Variants in LDB1 observed in about 807,000 individuals in gnomAD.
LDB1 encodes the protein LIM domain-binding protein 1.
In LDB1, 6 loss-of-function variants were observed where a neutral mutation model predicts 49.7. The observed-to-expected ratio is 0.12, with a 90% confidence interval of 0.07 to 0.24. The LOEUF (loss-of-function observed/expected upper bound fraction) is 0.24. Ranked by LOEUF, LDB1 falls within the 10% of genes least tolerant of loss-of-function variation. The pLI is 1.00. For missense variants in LDB1, 341 were observed against 561.7 expected (o/e 0.61, Z 3.97); for synonymous variants, 233 against 202.0 (o/e 1.15, Z -1.30).
At chr10:102,108,753 G>T (rs2068207148) in intron 10 of LDB1, among the ~76,000 whole-genome samples, 1 of 152,178 alleles carries the variant, frequency 6.6e-6, no homozygotes, top group Non-Finnish European at 1.5e-5. Flanking sequence ...TGGATGGTCT[G>T]TGAGCCCCAA....
In LDB1 at chr10:102,106,718, G is replaced by T. The variant is rs1202978636; in HGVS notation, c.*1375C>A. Among the ~76,000 whole-genome samples the T allele has an allele frequency of 1.3e-5, 2 of 152,014 alleles. No individual in the cohort carries two copies. The highest frequency in any genetic ancestry group is 4.8e-5 in the African/African-American group (2 of 41,368). On this transcript the variant is annotated 3_prime_UTR_variant, in exon 11 of 11. Coordinates refer to ENST00000673968, the MANE Select transcript of LDB1 (RefSeq NM_001113407.3). ...GACCCCAGAATCCAGAGGGAAGAGT[G>T]GGGAGAGAGGTGGTGTTAGCACTTC...
At chr10:102,104,390 A>G (rs1402688443), downstream of LDB1, among the ~76,000 whole-genome samples, 2 of 152,230 alleles carry the variant, frequency 1.3e-5, no homozygotes, top group African/African-American at 4.8e-5. Context: ...CCTTACCTGC[A>G]CATATAAACA....
chr10:102,106,405 CAT>C (rs2068160085), downstream of LDB1, among the ~76,000 whole-genome samples: 2 of 151,538 alleles, frequency 1.3e-5, no homozygotes, highest in African/African-American at 4.9e-5. Flanking sequence ...GGATCCAATT[CAT>C]AGTCTTAGGA....
intron 10 of LDB1, 110 bp downstream of exon 10, chr10:102,108,919 T>G: frequency 1.3e-5 from 18 of 1,413,566 alleles, no homozygotes; most frequent in Middle Eastern, 1.8e-4. Context: ...GCAGAGTACA[T>G]GAGAAAAACT....
rs950240749 is a variant in LDB1, at chr10:102,106,526, A to G, written c.*1567T>C. Among the ~76,000 whole-genome samples the G allele has an allele frequency of 7.4e-6, 1 of 134,258 alleles. No homozygotes were observed. Among genetic ancestry groups the G allele is most frequent in the Non-Finnish European group, 1.6e-5 (1 of 64,010 alleles). 88.1% of individuals were successfully genotyped at this position (134,258 alleles called of 152,430 possible). A position where few individuals can be genotyped will look rare whatever the true frequency, so the allele number is the denominator to read the frequency against. On this transcript the variant is annotated 3_prime_UTR_variant, in exon 11 of 11. Transcript: ENST00000673968. The stretch of plus-strand genomic sequence containing the variant: ...GTCTCTTTATTGATTGGTACCATAC[A>G]TGACTCAAATGGCCCAAAAAAAAAA...
downstream of LDB1, among the ~76,000 whole-genome samples, chr10:102,106,386 T>C (rs1175744107): frequency 6.7e-6 from 1 of 149,736 alleles, no homozygotes; most frequent in Non-Finnish European, 1.5e-5. Context: ...AAATGTGAGG[T>C]GAGTGAAGGG....
downstream of LDB1, among the ~76,000 whole-genome samples, chr10:102,106,323 G>T (rs1481823755): frequency 1.3e-5 from 2 of 151,840 alleles, no homozygotes; most frequent in Non-Finnish European, 2.9e-5. Flanking sequence ...AAACTTTAGG[G>T]TCTTGGGTGA....
chr10:102,112,054 C>T (rs1342432375), intron 1 of LDB1, among the ~76,000 whole-genome samples: 3 of 152,210 alleles, frequency 2.0e-5, no homozygotes, highest in African/African-American at 7.2e-5. Context: ...AAGAGTAGTC[C>T]ACCCTAATCC....
downstream of LDB1, among the ~76,000 whole-genome samples, chr10:102,105,573 G>A (rs1207415269): frequency 6.6e-6 from 1 of 151,874 alleles, no homozygotes; most frequent in South Asian, 2.1e-4. Flanking sequence ...AATCTACAGC[G>A]GGGTCTCCAT....
chr10:102,118,841 G>A (rs1469449829), intron 1 of LDB1, among the ~76,000 whole-genome samples: 1 of 152,196 alleles, frequency 6.6e-6, no homozygotes, highest in East Asian at 1.9e-4. Context: ...CAGGATTCCA[G>A]CTTGGCAAGC....
Position 102,108,135 on chromosome 10 carries a change from T to C in LDB1, c.1194A>G (p.Gln398=). The C allele has an allele frequency of 6.2e-7, 1 of 1,614,154 alleles. No individual in the cohort carries two copies. Among genetic ancestry groups the C allele is most frequent in the Non-Finnish European group, 8.5e-7 (1 of 1,180,012 alleles). ...SPWNSKPPSS[Q]ESKSENPTSQ... ...ACGTGGGGTTCTCCGATTTGCTTTC[T>C]TGGCTGGACGGAGGCTTGCTGTTCC... The change falls in exon 11 of 11, where the codon CAA becomes CAG. Residue 398 remains glutamine (Q), a synonymous_variant. Transcript: ENST00000673968.
At position 102,109,115 on chromosome 10, in the gene LDB1, T is replaced by C. The variant is rs370177977; in HGVS notation, c.919A>G (p.Met307Val). The C allele has an allele frequency of 1.2e-5, 19 of 1,614,058 alleles. No homozygotes were observed. The highest frequency in any genetic ancestry group is 1.6e-4 in the Middle Eastern group (1 of 6,084). The change falls in exon 10 of 11, where the codon ATG (methionine) becomes GTG (valine). Residue 307 changes from methionine (M) to valine (V), a missense_variant. Physicochemically the swap from Met to Val is conservative, Grantham distance 21 (BLOSUM62 1). This residue lies in a region of LDB1 where 233 missense variants were observed against 385.7 expected (regional missense o/e 0.60). Coordinates refer to ENST00000673968, the MANE Select transcript of LDB1 (RefSeq NM_001113407.3). The surrounding 1 kb of genome is among the most constrained non-coding windows in gnomAD (Gnocchi z 5.8). ...TTGGTGTTGCCACCACCAGAGCTCA[T>C]GGTGCTGCCCCCTGACATCTTCCGT... is the stretch of plus-strand genomic sequence containing the variant. ...RKRKMSGGST[M>V]SSGGGNTNNS... is the part of the protein sequence containing the mutation.
In LDB1 at chr10:102,111,470, G is replaced by T. The variant is rs776230908; in HGVS notation, c.92C>A (p.Pro31His). 6.4e-6 allele frequency: 10 copies of T among 1,567,150 alleles called. No homozygotes were observed. Among genetic ancestry groups the T allele is most frequent in the South Asian group, 2.4e-5 (2 of 84,230 alleles). ...KEPPNGNAFPPFHPGTMLDRD... is the reference protein window; with the variant it reads ...KEPPNGNAFPHFHPGTMLDRD... ...ATCCAGCATGGTGCCGGGATGGAAGGGGGGAAAGGCGTTGCCGTTCGGGGG... is the reference window on the plus strand; with the variant it reads ...ATCCAGCATGGTGCCGGGATGGAAGTGGGGAAAGGCGTTGCCGTTCGGGGG... The change falls in exon 2 of 11, where the codon CCC becomes CAC. Residue 31 changes from proline to histidine, a missense_variant. Around this residue, in one of 5 missense-constraint regions of LDB1, gnomAD observed 48 missense variants for 43.9 expected, o/e 1.09. Coordinates refer to ENST00000673968, the MANE Select transcript of LDB1 (RefSeq NM_001113407.3).
chr10:102,114,407 T>G (rs900779114), intron 1 of LDB1: 2 of 986,126 alleles, frequency 2.0e-6, no homozygotes, highest in Middle Eastern at 5.2e-4. Flanking sequence ...CAGACTTACC[T>G]GGGAGAACTG....
At chr10:102,113,516 T>A (rs574942236) in intron 1 of LDB1, among the ~76,000 whole-genome samples, 46 of 151,848 alleles carry the variant, frequency 3.0e-4, no homozygotes, top group African/African-American at 1.1e-3. Flanking sequence ...GTCTCCCCAA[T>A]CCACAGACAG....
rs1238495614 is a variant in LDB1 at position 102,109,170 on chromosome 10, G to C, written c.864C>G (p.Pro288=). ...WQRMVAPPAE[P]TRQQPSKRRK... ...GCCGTTTGCTGGGCTGCTGACGTGT[G>C]GGCTCCGCTGTGCCGGTAAACGGAG... Residue 288 remains proline, a synonymous_variant, in exon 10 of 11, where the codon CCC becomes CCG. Transcript: ENST00000673968. The surrounding 1 kb of genome is among the most constrained non-coding windows in gnomAD (Gnocchi z 5.8). 1.9e-6 allele frequency: 3 copies of C among 1,613,598 alleles called. No homozygotes were observed. Among genetic ancestry groups the C allele is most frequent in the Non-Finnish European group, 2.5e-6 (3 of 1,179,908 alleles).
intron 1 of LDB1, 32 bp from the exon 2 acceptor site, chr10:102,111,568 C>T (rs764458628): frequency 7.5e-7 from 1 of 1,335,136 alleles, no homozygotes; most frequent in Non-Finnish European, 1.0e-6. Context: ...CATAGCTGGG[C>T]GCGGTGGCTC....
At position 102,120,112 on chromosome 10, in the gene LDB1, T is replaced by G; in HGVS notation, c.-2A>C. 1 of 1,369,562 alleles carries G rather than the reference T, an allele frequency of 7.3e-7. No individual in the cohort carries two copies. The highest frequency in any genetic ancestry group is 9.6e-7 in the Non-Finnish European group (1 of 1,047,002). 84.8% of individuals were successfully genotyped at this position (1,369,562 alleles called of 1,614,324 possible). On this transcript the variant is annotated 5_prime_UTR_variant, in exon 1 of 11. Transcript: ENST00000673968. ...AGGACAGGCACAGCCCACTGACATC[T>G]TCACATCGCCCGCCTCTGGGGGCCC...
chr10:102,107,938 G>T lies in LDB1; in HGVS notation c.*155C>A. On this transcript the variant is annotated 3_prime_UTR_variant, in exon 11 of 11. Coordinates refer to ENST00000673968, the MANE Select transcript of LDB1 (RefSeq NM_001113407.3). Reference sequence around the variant, plus strand: ...CAGGGCCACTGGGGGGGCAAATCTTGGCACCTGCCCCCAGAGAGTCCAGTT... The same window carrying T: ...CAGGGCCACTGGGGGGGCAAATCTTTGCACCTGCCCCCAGAGAGTCCAGTT... The T allele has an allele frequency of 1.4e-6, 1 of 703,746 alleles. No individual in the cohort carries two copies. Among genetic ancestry groups the T allele is most frequent in the Non-Finnish European group, 2.4e-6 (1 of 408,314 alleles). The allele number at this position is 703,746 out of a possible 1,614,324, so 43.6% of individuals were successfully genotyped here.
Sources: allele counts gnomAD v4.1 joint callset (sites outside exome capture counted in the v4.1 genomes callset), GRCh38; gene constraint gnomAD v4.1.1; regional missense constraint gnomAD v4.1.1; non-coding constraint Gnocchi (gnomAD v3.1); transcripts MANE v1.5; gene names NCBI Gene and HGNC (gene_info 2026-07-23, HGNC 2026-07-21).